The following HADH variants were observed in gnomAD, a reference collection of about 807,000 sequenced individuals.
HADH encodes hydroxyacyl-coenzyme A dehydrogenase, mitochondrial.
A neutral mutation model predicts 32.2 loss-of-function variants in HADH; 24 were observed. The observed-to-expected ratio is 0.75, with a 90% CI of 0.54 to 1.05. The LOEUF (loss-of-function observed/expected upper bound fraction) is 1.05. Among genes scored for constraint, HADH ranks in the 50% least tolerant of loss-of-function variants. The pLI, the probability that HADH is intolerant of heterozygous loss-of-function variation, is 0.00. For missense variants in HADH, 350 were observed against 397.1 expected, an observed-to-expected ratio of 0.88 and a Z score of 1.01; for synonymous variants, 139 against 152.5, an observed-to-expected ratio of 0.91 and a Z score of 0.65.
chr4:108,033,268 G>A lies in HADH; in HGVS notation c.802G>A (p.Asp268Asn). The A allele has an allele frequency of 1.3e-6, 2 of 1,583,546 alleles. No homozygotes were observed. Among genetic ancestry groups the A allele is most frequent in the Non-Finnish European group, 1.7e-6 (2 of 1,152,228 alleles). The change falls in exon 7 of 8, where the codon GAT becomes AAT. Residue 268 changes from aspartate to asparagine, a missense_variant. Transcript: ENST00000309522. ...TGAGCTTCTAGATTATGTCGGACTGGATACTACGAAGTTCATCGTGGATGG... is the reference window on the plus strand; with the variant it reads ...TGAGCTTCTAGATTATGTCGGACTGAATACTACGAAGTTCATCGTGGATGG... ...PFELLDYVGL[D>N]TTKFIVDGWH...
At chr4:108,008,071 T>C (rs1317977140) in intron 1 of HADH, among the ~76,000 whole-genome samples, 1 of 152,230 alleles carries the variant, frequency 6.6e-6, no homozygotes, top group African/African-American at 2.4e-5. Flanking sequence ...GTGACCTGCA[T>C]CACTGACTTG....
chr4:107,995,441 A>G (rs1313744894), intron 1 of HADH, among the ~76,000 whole-genome samples: 1 of 152,188 alleles, frequency 6.6e-6, no homozygotes. Flanking sequence ...GACCTGATCT[A>G]GTGAGGATTT....
intron 3 of HADH, 24 bp downstream of exon 3, chr4:108,014,612 C>CTTT: frequency 1.6e-6 from 2 of 1,270,248 alleles, no homozygotes; most frequent in African/African-American, 1.5e-5. Context: ...GGACAATCTT[C>CTTT]TTTTTTTTTT....
At chr4:108,006,851 G>A (rs949091139) in intron 1 of HADH, among the ~76,000 whole-genome samples, 3 of 152,150 alleles carry the variant, frequency 2.0e-5, no homozygotes, top group Non-Finnish European at 4.4e-5. Context: ...TTTGATTGAA[G>A]CTGAAGGATT....
intron 1 of HADH, among the ~76,000 whole-genome samples, chr4:107,994,775 G>C (rs1734906696): frequency 6.6e-6 from 1 of 152,114 alleles, no homozygotes; most frequent in East Asian, 1.9e-4. Context: ...TTGTTGGGCT[G>C]TTCTCTGCTC....
Position 108,014,472 on chromosome 4 carries a change from G to T in HADH, c.303G>T (p.Ala101=). Residue 101 remains alanine, a synonymous_variant, in exon 3 of 8, where the codon GCG becomes GCT. Transcript: ENST00000309522. ...TGGAGAAGACCCTGAGCACCATAGC[G>T]ACCAGCACGGATGCAGCCTCCGTTG... The part of the protein sequence containing the change: ...EFVEKTLSTI[A]TSTDAASVVH... 1.9e-6 allele frequency: 3 copies of T among 1,614,116 alleles called. No individual in the cohort carries two copies. Among genetic ancestry groups the T allele is most frequent in the South Asian group, 1.1e-5 (1 of 91,066 alleles).
At chr4:108,004,513 A>G (rs2126223396) in intron 1 of HADH, 2 of 569,016 alleles carry the variant, frequency 3.5e-6, no homozygotes, top group South Asian at 1.9e-5. Context: ...CTGGCTTCCA[A>G]GAGAAACTTA....
chr4:107,989,982 C>T lies in HADH; in HGVS notation c.50C>T (p.Thr17Ile), dbSNP rs201600831. 27 of 1,612,676 alleles carry T rather than the reference C, an allele frequency of 1.7e-5. No homozygotes were observed. The highest frequency in any genetic ancestry group is 6.7e-5 in the Admixed American group (4 of 59,960). The change falls in exon 1 of 8, where the codon ACC (threonine) becomes ATC (isoleucine). Residue 17 changes from threonine to isoleucine, a missense_variant. Physicochemically the swap from Thr to Ile is moderately conservative, Grantham distance 89. Coordinates refer to ENST00000309522, the MANE Select transcript of HADH (RefSeq NM_005327.7). ...QFMRSVSSSS[T>I]ASASAKKIIV... ...ATGCGTTCCGTGTCCTCCTCGTCCA[C>T]CGCCTCGGCCTCGGCCAAGAAGATA...
At chr4:108,022,927 C>A (rs1003102450) in intron 4 of HADH, among the ~76,000 whole-genome samples, 1 of 151,966 alleles carries the variant, frequency 6.6e-6, no homozygotes, top group Non-Finnish European at 1.5e-5. Flanking sequence ...CTGTCCTATA[C>A]ACACACGTAC....
chr4:108,018,544 G>GTCCTA (rs1735770846), intron 3 of HADH, among the ~76,000 whole-genome samples: 1 of 152,054 alleles, frequency 6.6e-6, no homozygotes, highest in Non-Finnish European at 1.5e-5. Context: ...TACCCACACT[G>GTCCTA]GTCTCGCCTT....
intron 5 of HADH, chr4:108,024,277 T>C (rs1418014168): frequency 6.6e-6 from 1 of 152,276 alleles, no homozygotes; most frequent in African/African-American, 2.4e-5. Flanking sequence ...ACTATACTTA[T>C]GCATGACTTT....
rs1435860530 is a variant in HADH, at chr4:108,019,611, A to G, written c.491A>G (p.Asp164Gly). 1 of 1,614,048 alleles carries G rather than the reference A, an allele frequency of 6.2e-7. No homozygotes were observed. Among genetic ancestry groups the G allele is most frequent in the East Asian group, 2.2e-5 (1 of 44,870 alleles). ...TSIANATTRQDRFAGLHFFNP... is the reference protein window; with the variant it reads ...TSIANATTRQGRFAGLHFFNP... ...ATAGCTAATGCCACCACCAGACAAG[A>G]CCGATTCGCTGGCCTCCATTTCTTC... The change falls in exon 4 of 8, where the codon GAC (aspartate) becomes GGC (glycine). Residue 164 changes from aspartate (D) to glycine (G), a missense_variant. Physicochemically the swap from Asp to Gly is moderately conservative, Grantham distance 94. Transcript: ENST00000309522.
intron 1 of HADH, among the ~76,000 whole-genome samples, chr4:108,002,447 A>T (rs972720082): frequency 3.3e-5 from 5 of 152,184 alleles, no homozygotes; most frequent in Admixed American, 6.5e-5. Context: ...CACCATCTAG[A>T]TGCAGCAGAA....
rs1233803240 is a variant in HADH, at chr4:107,989,951, C to G, written c.19C>G (p.Gln7Glu). The G allele has an allele frequency of 1.2e-6, 2 of 1,612,980 alleles. No homozygotes were observed. The highest frequency in any genetic ancestry group is 4.5e-5 in the East Asian group (2 of 44,854). ...CCACACCATGGCCTTCGTCACCAGG[C>G]AGTTCATGCGTTCCGTGTCCTCCTC... MAFVTRQFMRSVSSSST... is the reference protein window; with the variant it reads MAFVTREFMRSVSSSST... The change falls in exon 1 of 8, where the codon CAG (glutamine) becomes GAG (glutamate). Residue 7 changes from glutamine (Q) to glutamate (E), a missense_variant. Gln to Glu is a conservative substitution (Grantham distance 29, BLOSUM62 2). Transcript: ENST00000309522.
intron 1 of HADH, 137 bp downstream of exon 1, chr4:107,990,201 T>A: frequency 2.2e-6 from 2 of 893,300 alleles, no homozygotes; most frequent in Non-Finnish European, 3.4e-6. Flanking sequence ...CGGGTGTAGT[T>A]GAAATATCTC....
chr4:107,991,512 A>T (rs6533329), intron 1 of HADH, among the ~76,000 whole-genome samples: 37,243 of 151,952 alleles, frequency 0.25, 7,122 homozygotes, highest in African/African-American at 0.54. Flanking sequence ...ATATCCCTGT[A>T]ATGTTTTATT....
At chr4:108,016,680 G>T (rs1735705606) in intron 3 of HADH, among the ~76,000 whole-genome samples, 1 of 152,220 alleles carries the variant, frequency 6.6e-6, no homozygotes, top group African/African-American at 2.4e-5. Context: ...AGGATCACTG[G>T]AGAAAGTCAG....
At position 108,034,865 on chromosome 4, in the gene HADH, CAT is replaced by C; in HGVS notation, c.*509_*510del. On this transcript the variant is annotated 3_prime_UTR_variant, in exon 8 of 8. Coordinates refer to ENST00000309522, the MANE Select transcript of HADH (RefSeq NM_005327.7). Reference sequence around the variant, plus strand: ...TTTGAGTCTTGCCCTACATTTTGGGCATGACATAAGATGTGTCTTTATTCAGC... The same window carrying C: ...TTTGAGTCTTGCCCTACATTTTGGGCGACATAAGATGTGTCTTTATTCAGC... The C allele has an allele frequency of 7.8e-6, 2 of 255,100 alleles. No homozygotes were observed. The highest frequency in any genetic ancestry group is 1.5e-3 in the Middle Eastern group (1 of 674). The allele number at this position is 255,100 out of a possible 1,614,324, so 15.8% of individuals were successfully genotyped here. A position where few individuals can be genotyped will look rare whatever the true frequency, so the allele number is the denominator to read the frequency against.
intron 1 of HADH, among the ~76,000 whole-genome samples, chr4:108,003,498 G>A (rs1474814700): frequency 6.6e-6 from 1 of 152,092 alleles, no homozygotes; most frequent in African/African-American, 2.4e-5. Context: ...CCAACTATAG[G>A]CTTGTTTCTC....
Sources: gnomAD v4.1 joint callset for allele counts (sites outside exome capture counted in the v4.1 genomes callset) on GRCh38, gnomAD v4.1.1 for gene constraint, MANE v1.5 for transcripts, NCBI Gene and HGNC (gene_info 2026-07-23, HGNC 2026-07-21) for gene names.